CDK6: variants seen among roughly 807,000 people sequenced by gnomAD.
The protein encoded by CDK6 is cyclin-dependent kinase 6.
In CDK6, 6 loss-of-function variants were observed where a neutral mutation model predicts 37.1. The ratio of observed to expected loss-of-function variants is 0.16; its 90% CI spans 0.09 to 0.32. The LOEUF (loss-of-function observed/expected upper bound fraction) is 0.32, where lower values mean the gene tolerates loss of function less well. Among genes scored for constraint, CDK6 ranks in the 10% least tolerant of loss-of-function variants. The pLI, the probability that CDK6 is intolerant of heterozygous loss-of-function variation, is 1.00. For synonymous variants in CDK6, 160 were observed against 161.3 expected, an observed-to-expected ratio of 0.99 and a Z score of 0.06; for missense variants, 224 against 418.9, an observed-to-expected ratio of 0.53 and a Z score of 4.06.
At position 92,833,409 on chromosome 7, in the gene CDK6, G is replaced by T. The variant is rs1052589380; in HGVS notation, c.-86C>A. 2 of 914,928 alleles carry T rather than the reference G, an allele frequency of 2.2e-6. No individual in the cohort carries two copies. The highest frequency in any genetic ancestry group is 3.4e-5 in the African/African-American group (2 of 58,190). 56.7% of individuals were successfully genotyped at this position (914,928 alleles called of 1,614,324 possible). Reference sequence around the variant, plus strand: ...CTGGCGGCCGCCGCTCGCCTACTCCGGGGCTCCCCGGAGATCGGTCTAGCT... The same window carrying T: ...CTGGCGGCCGCCGCTCGCCTACTCCTGGGCTCCCCGGAGATCGGTCTAGCT... On this transcript the variant is annotated 5_prime_UTR_variant, in exon 2 of 8. Coordinates refer to ENST00000424848, the MANE Select transcript of CDK6 (RefSeq NM_001145306.2). The surrounding 1 kb of genome is among the most constrained non-coding windows in gnomAD (Gnocchi z 6.1).
intron 5 of CDK6, among the ~76,000 whole-genome samples, chr7:92,663,287 A>G (rs1210183130): frequency 6.6e-6 from 1 of 152,154 alleles, no homozygotes; most frequent in Non-Finnish European, 1.5e-5. Flanking sequence ...GGTGCCCTGG[A>G]GTGGGAAGGT....
In CDK6 at chr7:92,674,523, G is replaced by C. The variant is rs533231818; in HGVS notation, c.538-2988C>G. Among the ~76,000 whole-genome samples, 62 of 152,326 alleles carry C rather than the reference G, an allele frequency of 4.1e-4. 1 individual carries two copies. In the South Asian group the frequency reaches 9.3e-3, roughly 23 times the overall value. Reference sequence around the variant, plus strand: ...ATTCAATGACCAGTCATTTCCAAAAGGGAAGGTATTGTTTTTGCTAAGAAG... The same window carrying C: ...ATTCAATGACCAGTCATTTCCAAAACGGAAGGTATTGTTTTTGCTAAGAAG... On this transcript the variant is annotated intron_variant, in intron 4 of 7. Transcript: ENST00000424848.
intron 2 of CDK6, among the ~76,000 whole-genome samples, chr7:92,815,453 T>C (rs1336221756): frequency 6.6e-6 from 1 of 152,196 alleles, no homozygotes; most frequent in East Asian, 1.9e-4. Flanking sequence ...GGTCCAGACT[T>C]CTTACCTGCC....
chr7:92,781,469 C>T (rs1409772119), intron 2 of CDK6, among the ~76,000 whole-genome samples: 1 of 152,234 alleles, frequency 6.6e-6, no homozygotes, highest in Non-Finnish European at 1.5e-5. Flanking sequence ...ATTGCATAGG[C>T]AAGTTGCCTT....
intron 3 of CDK6, among the ~76,000 whole-genome samples, chr7:92,734,858 A>G (rs1024341374): frequency 2.6e-5 from 4 of 152,240 alleles, no homozygotes; most frequent in African/African-American, 9.6e-5. Context: ...TCCCATGACT[A>G]TAATGAACAC....
At chr7:92,707,032 A>G (rs563809084) in intron 4 of CDK6, among the ~76,000 whole-genome samples, 1 of 152,340 alleles carries the variant, frequency 6.6e-6, no homozygotes, top group South Asian at 2.1e-4. Flanking sequence ...TGGTCTCCCT[A>G]AGATGTTAGT....
chr7:92,659,376 A>C lies in CDK6; in HGVS notation c.647+12050T>G, dbSNP rs2116576751. On this transcript the variant is annotated intron_variant, in intron 5 of 7. Transcript: ENST00000424848. ...TCATCCATATATTTATATTCATTAC[A>C]TGTTGAAATGATAACATTTTGGATG... 1.3e-5 allele frequency among the ~76,000 whole-genome samples: 2 copies of C among 152,356 alleles called. 1 individual carries two copies. The highest frequency in any genetic ancestry group is 4.1e-4 in the South Asian group (2 of 4,830).
rs906163941 is a variant in CDK6 at position 92,611,071 on chromosome 7, A to G, written c.*4069T>C. 1 of 225,844 alleles carries G rather than the reference A, an allele frequency of 4.4e-6. No individual in the cohort carries two copies. The highest frequency in any genetic ancestry group is 2.2e-5 in the African/African-American group (1 of 44,942). 14.0% of individuals were successfully genotyped at this position (225,844 alleles called of 1,614,324 possible). On this transcript the variant is annotated 3_prime_UTR_variant, in exon 8 of 8. Transcript: ENST00000424848. Reference sequence around the variant, plus strand: ...ATTTTTACAATATATTTGTTCATAAAGAATATATCCTTCAAAATATATATA... The same window carrying G: ...ATTTTTACAATATATTTGTTCATAAGGAATATATCCTTCAAAATATATATA...
chr7:92,641,574 A>G (rs541628885), intron 5 of CDK6, among the ~76,000 whole-genome samples: 10 of 152,238 alleles, frequency 6.6e-5, no homozygotes, highest in Non-Finnish European at 1.5e-4. Context: ...AAGCTCTACA[A>G]CAACCATGTA....
intron 4 of CDK6, among the ~76,000 whole-genome samples, chr7:92,693,517 C>T (rs138125777): frequency 6.6e-6 from 1 of 152,290 alleles, no homozygotes; most frequent in East Asian, 1.9e-4. Context: ...TAAACTTTTC[C>T]TGCATCCTAG....
At position 92,607,082 on chromosome 7, in the gene CDK6, A is replaced by G. The variant is rs1795445699; in HGVS notation, c.*8058T>C. On this transcript the variant is annotated 3_prime_UTR_variant, in exon 8 of 8. Coordinates refer to ENST00000424848, the MANE Select transcript of CDK6 (RefSeq NM_001145306.2). ...CACAGCTAAGTTGCCTGAAGCATGG[A>G]AACTTGGACTTCTCCATCTGACACG... 4.3e-6 allele frequency: 1 copy of G among 233,532 alleles called. No individual in the cohort carries two copies. The highest frequency in any genetic ancestry group is 8.5e-6 in the Non-Finnish European group (1 of 118,016). The allele number at this position is 233,532 out of a possible 1,614,324, so 14.5% of individuals were successfully genotyped here.
At chr7:92,711,564 T>A in intron 4 of CDK6, among the ~76,000 whole-genome samples, 1 of 135,614 alleles carries the variant, frequency 7.4e-6, no homozygotes, top group East Asian at 2.2e-4. Flanking sequence ...TTTTTTTTTT[T>A]TTTTTTTTTT....
chr7:92,664,224 G>A (rs903866421), intron 5 of CDK6, among the ~76,000 whole-genome samples: 1 of 152,138 alleles, frequency 6.6e-6, no homozygotes, highest in Non-Finnish European at 1.5e-5. Context: ...CAGAGTCTAG[G>A]AAAATATCCA....
At chr7:92,665,563 T>A (rs1273995665) in intron 5 of CDK6, among the ~76,000 whole-genome samples, 2 of 152,258 alleles carry the variant, frequency 1.3e-5, no homozygotes, top group Non-Finnish European at 2.9e-5. Context: ...ATCTGCCCTA[T>A]GACTCTCTTT....
chr7:92,622,119 T>A (rs895491817), intron 6 of CDK6, among the ~76,000 whole-genome samples: 1 of 151,424 alleles, frequency 6.6e-6, no homozygotes, highest in Non-Finnish European at 1.5e-5. Flanking sequence ...GAACTCCCAC[T>A]TTTTTCCTAC....
At chr7:92,680,435 GAAAAAAAAAAAAA>G (rs778849907) in intron 4 of CDK6, among the ~76,000 whole-genome samples, 6 of 27,934 alleles carry the variant, frequency 2.1e-4, no homozygotes, top group Non-Finnish European at 4.0e-4. Context: ...TTCCATCTCA[GAAAAAAAAAAAAA>G]AAAAAAAAAA....
intron 3 of CDK6, among the ~76,000 whole-genome samples, chr7:92,731,286 A>C (rs1798642791): frequency 6.6e-6 from 1 of 152,234 alleles, no homozygotes; most frequent in African/African-American, 2.4e-5. Context: ...AGAATGCTTC[A>C]TCCAAAATCA....
At chr7:92,712,184 G>A (rs949377855) in intron 4 of CDK6, among the ~76,000 whole-genome samples, 1 of 151,286 alleles carries the variant, frequency 6.6e-6, no homozygotes, top group African/African-American at 2.4e-5. Context: ...AACCATGAGA[G>A]TTTAAGGGAG....
intron 4 of CDK6, chr7:92,725,231 T>C: frequency 1.0e-6 from 1 of 985,422 alleles, no homozygotes; most frequent in Non-Finnish European, 1.2e-6. Flanking sequence ...ACTCTGTTTC[T>C]CAAAACCATG....
Sources: gnomAD v4.1 joint callset for allele counts (sites outside exome capture counted in the v4.1 genomes callset) on GRCh38, gnomAD v4.1.1 for gene constraint, Gnocchi (gnomAD v3.1) non-coding constraint, MANE v1.5 for transcripts, NCBI Gene and HGNC (gene_info 2026-07-23, HGNC 2026-07-21) for gene names.